The following DNM3 variants were observed in gnomAD, a reference collection of about 807,000 sequenced individuals.
DNM3 encodes the protein dynamin 3, also known as dynamin-3.
Under a neutral mutation model 101.6 loss-of-function variants are expected in DNM3, and 47 were observed. The observed-to-expected ratio is 0.46, with a 90% CI of 0.37 to 0.59. The LOEUF (loss-of-function observed/expected upper bound fraction) is 0.59. Ranked by LOEUF, DNM3 falls within the 20% of genes least tolerant of loss-of-function variation. The pLI is 0.00. For missense variants in DNM3, 849 were observed against 1,085.7 expected (o/e 0.78, Z 3.06); for synonymous variants, 385 against 387.9 (o/e 0.99, Z 0.09).
chr1:172,332,652 C>A (rs925883880), intron 17 of DNM3, among the ~76,000 whole-genome samples: 4 of 152,056 alleles, frequency 2.6e-5, no homozygotes, highest in Admixed American at 6.6e-5. Context: ...AGGACCCAGG[C>A]CAGTAGGATT....
intron 1 of DNM3, among the ~76,000 whole-genome samples, chr1:171,916,511 G>T (rs528149086): frequency 6.6e-6 from 1 of 152,082 alleles, no homozygotes. Flanking sequence ...AGAAGGAGGG[G>T]CATCAGAAGG....
intron 4 of DNM3, among the ~76,000 whole-genome samples, chr1:172,016,390 T>C (rs944266130): frequency 9.9e-5 from 15 of 152,138 alleles, no homozygotes; most frequent in African/African-American, 3.6e-4. Context: ...TGTGATTTTT[T>C]CCCCTGCTTT....
intron 2 of DNM3, among the ~76,000 whole-genome samples, chr1:171,950,956 C>T (rs991565424): frequency 2.6e-5 from 4 of 152,104 alleles, no homozygotes; most frequent in Non-Finnish European, 5.9e-5. Context: ...CCTCCTTCTC[C>T]TCCTCTTCCT....
chr1:172,413,037 G>A (rs1336262020), downstream of DNM3, among the ~76,000 whole-genome samples: 2 of 152,186 alleles, frequency 1.3e-5, no homozygotes, highest in Admixed American at 1.3e-4. Context: ...ACAGTTTGCT[G>A]TTGAAAATGA....
At chr1:172,253,467 T>G in intron 14 of DNM3, 106 bp from the exon 15 acceptor site, 1 of 812,296 alleles carries the variant, frequency 1.2e-6, no homozygotes. Context: ...CCTCAAGATC[T>G]TTTATTAAAG....
chr1:171,872,910 A>G (rs1402171352), intron 1 of DNM3, among the ~76,000 whole-genome samples: 2 of 152,228 alleles, frequency 1.3e-5, no homozygotes, highest in African/African-American at 2.4e-5. Context: ...AATATTTGTA[A>G]AAACATGAAC....
chr1:172,131,402 T>A, intron 14 of DNM3, 114 bp downstream of exon 14: 1 of 847,094 alleles, frequency 1.2e-6, no homozygotes, highest in Admixed American at 2.3e-5. Context: ...TCAGTGAGAT[T>A]AAGCTTGGAA....
intron 18 of DNM3, among the ~76,000 whole-genome samples, chr1:172,380,236 A>G (rs546262989): frequency 1.4e-4 from 22 of 152,226 alleles, no homozygotes; most frequent in African/African-American, 5.3e-4. Flanking sequence ...TTGTTCCAGA[A>G]GATGGTACAA....
rs115380889 is a variant in DNM3 at position 172,339,126 on chromosome 1, T to C, written c.1893+15786T>C. On this transcript the variant is annotated intron_variant, in intron 17 of 20. Transcript: ENST00000627582. ...TGAAATATTTGGTCGTATTTTGATA[T>C]GTTAAGTTGTTGCTTTTCAATGTGT... The C allele has an allele frequency of 1.9e-3, 826 of 440,632 alleles. 6 individuals carry two copies. The highest frequency in any genetic ancestry group is 0.015 in the African/African-American group (743 of 48,836). 27.3% of individuals were successfully genotyped at this position (440,632 alleles called of 1,614,324 possible). A position where few individuals can be genotyped will look rare whatever the true frequency, so the allele number is the denominator to read the frequency against.
At position 172,407,829 on chromosome 1, in the gene DNM3, CCT is replaced by C. The variant is rs772700232; in HGVS notation, c.2581_2582del (p.Leu861ValfsTer14). 1.2e-5 allele frequency: 19 copies of C among 1,613,078 alleles called. No homozygotes were observed. Among genetic ancestry groups the C allele is most frequent in the Non-Finnish European group, 1.4e-5 (17 of 1,179,302 alleles). ...PTIIRPLESS[L>X]LD is the part of the protein sequence containing the mutation. ...CTATAATCCGCCCACTAGAATCCTC[CCT>C]GTTAGACTAAACGAAGTGTCTGGCA... On this transcript the variant is annotated frameshift_variant, in exon 21 of 21. Coordinates refer to ENST00000627582, the MANE Select transcript of DNM3 (RefSeq NM_015569.5). LOFTEE classifies it high-confidence loss of function.
chr1:172,349,048 C>A (rs577617236), intron 17 of DNM3, among the ~76,000 whole-genome samples: 1 of 152,238 alleles, frequency 6.6e-6, no homozygotes, highest in East Asian at 1.9e-4. Context: ...AGACCACCAC[C>A]CCCAGTGTCA....
chr1:172,089,029 A>G (rs115083746), intron 12 of DNM3, among the ~76,000 whole-genome samples: 1,544 of 152,356 alleles, frequency 0.01, 24 homozygotes, highest in African/African-American at 0.034. Flanking sequence ...TTCCACAGTG[A>G]CTTGTGTGTA....
intron 2 of DNM3, among the ~76,000 whole-genome samples, chr1:171,968,069 G>A (rs150702315): frequency 1.6e-4 from 25 of 152,234 alleles, no homozygotes; most frequent in African/African-American, 6.0e-4. Context: ...TAATCTCTTT[G>A]ATGATCACTT....
At chr1:172,189,343 T>C (rs945306387) in intron 14 of DNM3, among the ~76,000 whole-genome samples, 1 of 152,068 alleles carries the variant, frequency 6.6e-6, no homozygotes, top group Non-Finnish European at 1.5e-5. Context: ...CTGAGTCTTT[T>C]ATTTTTCTAT....
intron 16 of DNM3, among the ~76,000 whole-genome samples, chr1:172,318,088 T>C (rs1573445879): frequency 2.0e-5 from 3 of 152,198 alleles, no homozygotes; most frequent in East Asian, 1.9e-4. Flanking sequence ...TCAATATATG[T>C]AAATCAATAA....
intron 2 of DNM3, among the ~76,000 whole-genome samples, chr1:171,925,500 G>C (rs947455521): frequency 6.6e-6 from 1 of 151,982 alleles, no homozygotes; most frequent in South Asian, 2.1e-4. Context: ...AAAGTGCTGG[G>C]ATTACAGGTG....
chr1:171,937,390 AT>A (rs1202543880), intron 2 of DNM3, among the ~76,000 whole-genome samples: 1 of 151,958 alleles, frequency 6.6e-6, no homozygotes, highest in Non-Finnish European at 1.5e-5. Flanking sequence ...CTGGTTCCCT[AT>A]TGCTGCTAAA....
chr1:172,380,428 G>A (rs2068832946), intron 18 of DNM3, among the ~76,000 whole-genome samples: 1 of 152,006 alleles, frequency 6.6e-6, no homozygotes, highest in South Asian at 2.1e-4. Context: ...GCACTCATGT[G>A]AACAATCTTA....
intron 16 of DNM3, among the ~76,000 whole-genome samples, chr1:172,319,847 A>G (rs1185089655): frequency 6.6e-6 from 1 of 152,176 alleles, no homozygotes; most frequent in East Asian, 1.9e-4. Flanking sequence ...ATCTAGAACT[A>G]GAAATACCAT....
Sources: gnomAD v4.1 joint callset for allele counts (sites outside exome capture counted in the v4.1 genomes callset) on GRCh38, gnomAD v4.1.1 for gene constraint, MANE v1.5 for transcripts, NCBI Gene and HGNC (gene_info 2026-07-23, HGNC 2026-07-21) for gene names.